Variants in SOBP observed in about 807,000 individuals in gnomAD.
SOBP encodes the protein sine oculis binding protein homolog, also known as sine oculis-binding protein homolog.
In SOBP, 4 loss-of-function variants were observed where a neutral mutation model predicts 53.6. The observed-to-expected ratio is 0.07, with a 90% confidence interval of 0.04 to 0.17. The LOEUF is 0.17. Among genes scored for constraint, SOBP ranks in the 10% least tolerant of loss-of-function variants. The pLI is 1.00. For synonymous variants in SOBP, 584 were observed against 522.6 expected (o/e 1.12, Z -1.60); for missense variants, 1,088 against 1,204.7 (o/e 0.90, Z 1.43).
At chr6:107,646,229 A>G (rs776130732) in intron 6 of SOBP, among the ~76,000 whole-genome samples, 2 of 152,270 alleles carry the variant, frequency 1.3e-5, no homozygotes, top group Non-Finnish European at 2.9e-5. Flanking sequence ...CTATGGGTTA[A>G]GTATGGAAAG....
chr6:107,577,017 A>G (rs1785245110), intron 4 of SOBP, among the ~76,000 whole-genome samples: 1 of 146,022 alleles, frequency 6.8e-6, no homozygotes, highest in East Asian at 2.0e-4. Flanking sequence ...TTTGTGACTC[A>G]TAGCTATCCA....
chr6:107,540,915 G>A (rs1040027630), intron 4 of SOBP, among the ~76,000 whole-genome samples: 2 of 152,102 alleles, frequency 1.3e-5, no homozygotes, highest in African/African-American at 2.4e-5. Flanking sequence ...CTTCTGTGAG[G>A]ACTATTTTTA....
chr6:107,646,416 A>G (rs112825946), intron 6 of SOBP, among the ~76,000 whole-genome samples: 51 of 152,308 alleles, frequency 3.3e-4, no homozygotes, highest in African/African-American at 1.2e-3. Context: ...CTTCTGACCA[A>G]CCAGCAGCTC....
intron 4 of SOBP, among the ~76,000 whole-genome samples, chr6:107,560,673 C>T (rs578094399): frequency 9.8e-5 from 15 of 152,288 alleles, no homozygotes; most frequent in African/African-American, 1.2e-4. Context: ...ATGTTAGTGT[C>T]CCCATTTTAC....
At chr6:107,517,485 C>T (rs111242654) in intron 3 of SOBP, among the ~76,000 whole-genome samples, 1 of 152,046 alleles carries the variant, frequency 6.6e-6, no homozygotes, top group African/African-American at 2.4e-5. Flanking sequence ...GACAAAGGCC[C>T]CATCCTCATG....
At chr6:107,546,881 C>T (rs778290155) in intron 4 of SOBP, among the ~76,000 whole-genome samples, 5 of 152,078 alleles carry the variant, frequency 3.3e-5, no homozygotes, top group Non-Finnish European at 5.9e-5. Flanking sequence ...TGAAGAGACC[C>T]TTGAGGAACA....
At position 107,575,648 on chromosome 6, in the gene SOBP, GT is replaced by G. The variant is rs377387594; in HGVS notation, c.574-11430del. On this transcript the variant is annotated intron_variant, in intron 4 of 6. Coordinates refer to ENST00000317357, the MANE Select transcript of SOBP (RefSeq NM_018013.4). ...CTCAGTTTACACTAAGAAGGGAGAGGTTGTGGAAACGCAGGTCACTTTTTGT... is the reference window on the plus strand; with the variant it reads ...CTCAGTTTACACTAAGAAGGGAGAGGTGTGGAAACGCAGGTCACTTTTTGT... Among the ~76,000 whole-genome samples the G allele has an allele frequency of 2.8e-3, 430 of 152,240 alleles. 2 individuals carry two copies. The highest frequency in any genetic ancestry group is 9.8e-3 in the African/African-American group (408 of 41,540).
chr6:107,583,064 G>A (rs529987226), intron 4 of SOBP, among the ~76,000 whole-genome samples: 2 of 152,212 alleles, frequency 1.3e-5, no homozygotes, highest in African/African-American at 2.4e-5. Context: ...CCACCCAAGT[G>A]GGGGCAGATG....
chr6:107,597,948 C>T (rs1439935596), intron 5 of SOBP, among the ~76,000 whole-genome samples: 2 of 152,150 alleles, frequency 1.3e-5, no homozygotes, highest in Non-Finnish European at 2.9e-5. Context: ...GTCATGGACA[C>T]ATCCCAAAAA....
In SOBP at chr6:107,490,473, G is replaced by T; in HGVS notation, c.-144G>T. On this transcript the variant is annotated 5_prime_UTR_variant, in exon 1 of 7. Coordinates refer to ENST00000317357, the MANE Select transcript of SOBP (RefSeq NM_018013.4). ...CTTCTCGGCGCCTGCCCTCCCCCTC[G>T]CGGCTCGGTCCGGCCCCGCCAGCAC... is the stretch of plus-strand genomic sequence containing the variant. 1 of 613,702 alleles carries T rather than the reference G, an allele frequency of 1.6e-6. No individual in the cohort carries two copies. 38.0% of individuals were successfully genotyped at this position (613,702 alleles called of 1,614,324 possible). A position where few individuals can be genotyped will look rare whatever the true frequency, so the allele number is the denominator to read the frequency against.
At chr6:107,563,558 A>G (rs573264441) in intron 4 of SOBP, among the ~76,000 whole-genome samples, 2 of 152,322 alleles carry the variant, frequency 1.3e-5, no homozygotes, top group South Asian at 4.1e-4. Context: ...TCACAAAGGA[A>G]GCATCATTAG....
intron 3 of SOBP, among the ~76,000 whole-genome samples, chr6:107,528,552 A>G (rs1238997205): frequency 6.6e-6 from 1 of 152,248 alleles, no homozygotes; most frequent in Non-Finnish European, 1.5e-5. Flanking sequence ...TCCATGTCTC[A>G]TAGTCATAAA....
At chr6:107,600,781 C>T (rs548967781) in intron 5 of SOBP, among the ~76,000 whole-genome samples, 2 of 152,324 alleles carry the variant, frequency 1.3e-5, no homozygotes, top group South Asian at 4.1e-4. Flanking sequence ...ATGTTTACCA[C>T]AGAATCCACA....
At chr6:107,519,322 C>T (rs553470217) in intron 3 of SOBP, among the ~76,000 whole-genome samples, 2 of 150,264 alleles carry the variant, frequency 1.3e-5, no homozygotes, top group African/African-American at 4.9e-5. Context: ...ACAGGACAGC[C>T]CAAACCAATT....
intron 6 of SOBP, among the ~76,000 whole-genome samples, chr6:107,649,732 G>C (rs1187876990): frequency 6.6e-6 from 1 of 151,976 alleles, no homozygotes; most frequent in African/African-American, 2.4e-5. Flanking sequence ...ATCCCTCCAT[G>C]GTTTTGGAAG....
chr6:107,499,293 G>A (rs1782776115), intron 1 of SOBP, among the ~76,000 whole-genome samples: 1 of 152,066 alleles, frequency 6.6e-6, no homozygotes, highest in African/African-American at 2.4e-5. Context: ...CTAATTTTCT[G>A]TCGTGAAAAG....
intron 6 of SOBP, among the ~76,000 whole-genome samples, chr6:107,652,388 G>T (rs1036110876): frequency 6.6e-6 from 1 of 152,210 alleles, no homozygotes; most frequent in Non-Finnish European, 1.5e-5. Context: ...AATAGCAAGA[G>T]AATTACAAGG....
intron 5 of SOBP, among the ~76,000 whole-genome samples, chr6:107,593,848 G>C (rs1434939673): frequency 6.6e-6 from 1 of 152,122 alleles, no homozygotes; most frequent in East Asian, 1.9e-4. Flanking sequence ...AGTTTGTTTG[G>C]ATAAAAACTC....
intron 2 of SOBP, among the ~76,000 whole-genome samples, chr6:107,505,801 T>C (rs567125543): frequency 4.0e-5 from 6 of 151,594 alleles, no homozygotes; most frequent in African/African-American, 1.5e-4. Context: ...CAGGCACACA[T>C]CACCATGCCC....
Sources: gnomAD v4.1 joint callset for allele counts (sites outside exome capture counted in the v4.1 genomes callset) on GRCh38, gnomAD v4.1.1 for gene constraint, MANE v1.5 for transcripts, NCBI Gene and HGNC (gene_info 2026-07-23, HGNC 2026-07-21) for gene names.